PRKN: variants seen among roughly 807,000 people sequenced by gnomAD.
PRKN encodes parkin RBR E3 ubiquitin protein ligase.
In PRKN, 56 loss-of-function variants were observed where a neutral mutation model predicts 59.5. The ratio of observed to expected loss-of-function variants is 0.94; its 90% confidence interval spans 0.76 to 1.18. The LOEUF (loss-of-function observed/expected upper bound fraction) is 1.18, where lower values mean the gene tolerates loss of function less well. Among genes scored for constraint, PRKN ranks in the 50% most tolerant of loss-of-function variants. PRKN has a pLI of 0.00. For synonymous variants in PRKN, 250 were observed against 222.1 expected (o/e 1.13, Z -1.12); for missense variants, 657 against 596.4 (o/e 1.10, Z -1.06).
At chr6:161,824,588 A>C (rs1361687870) in intron 6 of PRKN, among the ~76,000 whole-genome samples, 4 of 152,198 alleles carry the variant, frequency 2.6e-5, no homozygotes, top group Non-Finnish European at 5.9e-5. Context: ...AAACCAAAGA[A>C]ATCTGGGCTC....
intron 1 of PRKN, among the ~76,000 whole-genome samples, chr6:162,488,931 G>T (rs963695993): frequency 1.3e-5 from 2 of 152,098 alleles, no homozygotes; most frequent in African/African-American, 4.8e-5. Flanking sequence ...TACTAAGAAG[G>T]GGGTAAAGGT....
chr6:162,498,439 CTTTTTTT>C (rs34333763), intron 1 of PRKN, among the ~76,000 whole-genome samples: 1 of 12,434 alleles, frequency 8.0e-5, no homozygotes, highest in African/African-American at 2.6e-4. Flanking sequence ...TTTCCTTTTT[CTTTTTTT>C]TTTTTTTTTT....
At chr6:161,404,699 T>C (rs1309488564) in intron 9 of PRKN, among the ~76,000 whole-genome samples, 1 of 152,238 alleles carries the variant, frequency 6.6e-6, no homozygotes, top group East Asian at 1.9e-4. Flanking sequence ...TTTATCATGG[T>C]GTATATCACT....
rs1397150510 is a variant in PRKN at position 162,238,724 on chromosome 6, G to GGTT, written c.412+23798_412+23800dup. On this transcript the variant is annotated intron_variant, in intron 3 of 11. Coordinates refer to ENST00000366898, the MANE Select transcript of PRKN (RefSeq NM_004562.3). ...ACCTAGAATATTCTGTTGTTTTTCT[G>GGTT]GTTTAGAGAAACAGAAAGAAGACTC... Among the ~76,000 whole-genome samples, 196 of 152,194 alleles carry GGTT rather than the reference G, an allele frequency of 1.3e-3. 1 individual carries two copies. The highest frequency in any genetic ancestry group is 4.3e-3 in the African/African-American group (180 of 41,542).
chr6:161,513,761 C>T (rs891104279), intron 9 of PRKN, among the ~76,000 whole-genome samples: 5 of 152,082 alleles, frequency 3.3e-5, no homozygotes, highest in Admixed American at 1.3e-4. Flanking sequence ...CATGAGAAGG[C>T]GGGGAAAGCA....
rs1554275447 is a variant in PRKN, at chr6:161,552,789, T to TGTG, written c.934-3787_934-3786insCAC. 4.6e-5 allele frequency among the ~76,000 whole-genome samples: 4 copies of TGTG among 87,822 alleles called. No homozygotes were observed. Among genetic ancestry groups the TGTG allele is most frequent in the South Asian group, 9.9e-4 (2 of 2,026 alleles). The allele number at this position is 87,822 out of a possible 152,430, so 57.6% of individuals were successfully genotyped here. A position where few individuals can be genotyped will look rare whatever the true frequency, so the allele number is the denominator to read the frequency against. On this transcript the variant is annotated intron_variant, in intron 8 of 11. Transcript: ENST00000366898. This position sits in a 1 kb window ranked among gnomAD's most constrained non-coding sequence, Gnocchi z 4.9. ...AAAGACACCATGGTTTTGTTGTTGT[T>TGTG]TTTGTTTTTTGTTTTTTTTTTTTAG... is the stretch of plus-strand genomic sequence containing the variant.
intron 1 of PRKN, among the ~76,000 whole-genome samples, chr6:162,553,117 C>T (rs149771974): frequency 6.2e-4 from 94 of 152,106 alleles, no homozygotes; most frequent in Middle Eastern, 3.4e-3. Context: ...CTTTAAGAGG[C>T]AGACGCTCTT....
intron 1 of PRKN, among the ~76,000 whole-genome samples, chr6:162,473,517 A>G (rs1791861402): frequency 1.3e-5 from 2 of 152,328 alleles, no homozygotes; most frequent in African/African-American, 4.8e-5. Context: ...TGTGGGCCAC[A>G]TATAAAATTT....
chr6:161,786,058 C>A, intron 6 of PRKN, 150 bp from the exon 7 acceptor site: 2 of 744,348 alleles, frequency 2.7e-6, no homozygotes, highest in Non-Finnish European at 4.7e-6. Context: ...TCATGTATAC[C>A]AACACAACAT....
chr6:161,698,605 G>A (rs79565809), intron 7 of PRKN, among the ~76,000 whole-genome samples: 5,628 of 148,990 alleles, frequency 0.038, 170 homozygotes, highest in African/African-American at 0.082. Flanking sequence ...ATGTGGTATT[G>A]GTACAAACAG....
chr6:162,562,577 G>A (rs1470128675), intron 1 of PRKN, among the ~76,000 whole-genome samples: 2 of 152,140 alleles, frequency 1.3e-5, no homozygotes, highest in African/African-American at 4.8e-5. Context: ...CTCATGGTCT[G>A]GGGTAGTGGT....
At chr6:162,162,279 T>G (rs1782791916) in intron 4 of PRKN, among the ~76,000 whole-genome samples, 2 of 152,148 alleles carry the variant, frequency 1.3e-5, no homozygotes, top group Non-Finnish European at 2.9e-5. Flanking sequence ...TACATAGCAT[T>G]TAAATTGTAT....
intron 9 of PRKN, among the ~76,000 whole-genome samples, chr6:161,412,717 C>G (rs1199501568): frequency 6.6e-6 from 1 of 151,560 alleles, no homozygotes; most frequent in East Asian, 2.0e-4. Flanking sequence ...CTTCCTCACT[C>G]ATTCCTCCAT....
At chr6:162,490,208 G>A (rs572919018) in intron 1 of PRKN, among the ~76,000 whole-genome samples, 1 of 152,192 alleles carries the variant, frequency 6.6e-6, no homozygotes, top group Admixed American at 6.5e-5. Context: ...TGCCTCATGA[G>A]GAAAAAGAAA....
At chr6:161,723,923 A>G (rs1163342101) in intron 7 of PRKN, among the ~76,000 whole-genome samples, 1 of 152,096 alleles carries the variant, frequency 6.6e-6, no homozygotes, top group Non-Finnish European at 1.5e-5. Flanking sequence ...GGTCTTCAAG[A>G]CACCTGTCTC....
chr6:162,314,400 C>G (rs1442667628), intron 2 of PRKN, among the ~76,000 whole-genome samples: 1 of 152,134 alleles, frequency 6.6e-6, no homozygotes, highest in African/African-American at 2.4e-5. Context: ...TGGTTAATGA[C>G]CACATTGTTT....
chr6:162,172,601 G>T (rs1256756314), intron 4 of PRKN, among the ~76,000 whole-genome samples: 1 of 152,166 alleles, frequency 6.6e-6, no homozygotes, highest in Non-Finnish European at 1.5e-5. Flanking sequence ...TACCTCATAG[G>T]TTTGTGGTGA....
At chr6:161,628,490 C>T (rs1783177029) in intron 7 of PRKN, among the ~76,000 whole-genome samples, 1 of 152,208 alleles carries the variant, frequency 6.6e-6, no homozygotes, top group Non-Finnish European at 1.5e-5. Flanking sequence ...TCCCAAAAGT[C>T]CCATCTCCTA....
rs533979650 is a variant in PRKN, at chr6:162,375,818, AACATATAAC to A, written c.171+67483_171+67491del. On this transcript the variant is annotated intron_variant, in intron 2 of 11. Coordinates refer to ENST00000366898, the MANE Select transcript of PRKN (RefSeq NM_004562.3). ...ATATATATACATATATATACATATT[AACATATAAC>A]ACATATACACAAGTAAATATACTTT... Among the ~76,000 whole-genome samples, 109 of 151,868 alleles carry A rather than the reference AACATATAAC, an allele frequency of 7.2e-4. 1 individual carries two copies. In the East Asian group the frequency reaches 0.02, roughly 27 times the overall value.
Sources: gnomAD v4.1 joint callset for allele counts (sites outside exome capture counted in the v4.1 genomes callset) on GRCh38, gnomAD v4.1.1 for gene constraint, Gnocchi (gnomAD v3.1) non-coding constraint, MANE v1.5 for transcripts, NCBI Gene and HGNC (gene_info 2026-07-23, HGNC 2026-07-21) for gene names.